Variants in SCMH1 observed in about 807,000 individuals in gnomAD.
SCMH1 encodes the protein polycomb protein SCMH1.
In SCMH1, 37 loss-of-function variants were observed where a neutral mutation model predicts 70.8. That is an observed-to-expected ratio of 0.52 (90% CI 0.40 to 0.69). The LOEUF (loss-of-function observed/expected upper bound fraction) is 0.69, where lower values mean the gene tolerates loss of function less well. Ranked by LOEUF, SCMH1 falls within the 30% of genes least tolerant of loss-of-function variation. The pLI is 0.00. For missense variants in SCMH1, 607 were observed against 827.3 expected, an observed-to-expected ratio of 0.73 and a Z score of 3.27; for synonymous variants, 292 against 307.4, an observed-to-expected ratio of 0.95 and a Z score of 0.52.
Position 41,037,488 on chromosome 1 carries a change from C to T in SCMH1, c.1552G>A (p.Asp518Asn), listed in dbSNP as rs773974278. The T allele has an allele frequency of 5.0e-6, 8 of 1,614,232 alleles. No individual in the cohort carries two copies. The South Asian group carries it at 7.7e-5, about 16-fold the overall frequency. ...GGATTTGAGGCAGAGTCCATTGAGTCTGAGTGTGGTTCCAAGGAGCGGGCC... is the reference window on the plus strand; with the variant it reads ...GGATTTGAGGCAGAGTCCATTGAGTTTGAGTGTGGTTCCAAGGAGCGGGCC... Residue 518 changes from aspartate (D) to asparagine (N), a missense_variant, in exon 13 of 15, where the codon GAC (aspartate) becomes AAC (asparagine). Physicochemically the swap from Asp to Asn is conservative, Grantham distance 23. This residue lies in a region of SCMH1 where 430 missense variants were observed against 528.2 expected (regional missense o/e 0.81). Transcript: ENST00000337495.
chr1:41,116,672 T>A (rs1283440224), intron 7 of SCMH1, among the ~76,000 whole-genome samples: 10 of 152,198 alleles, frequency 6.6e-5, no homozygotes, highest in Admixed American at 6.5e-4. Flanking sequence ...TAATAATACA[T>A]TTTAACTTCT....
At chr1:41,087,300 T>TA (rs1662005638) in intron 8 of SCMH1, among the ~76,000 whole-genome samples, 1 of 152,086 alleles carries the variant, frequency 6.6e-6, no homozygotes, top group Non-Finnish European at 1.5e-5. Context: ...GGTGAATTCC[T>TA]ATAATGAAAG....
chr1:41,096,815 T>G (rs1572072021), intron 8 of SCMH1, among the ~76,000 whole-genome samples: 1 of 152,310 alleles, frequency 6.6e-6, no homozygotes, highest in Middle Eastern at 3.4e-3. Context: ...ATTCTTCTCA[T>G]GCTAATAATT....
intron 1 of SCMH1, among the ~76,000 whole-genome samples, chr1:41,225,824 T>A (rs1261004763): frequency 6.6e-6 from 1 of 152,214 alleles, no homozygotes; most frequent in Non-Finnish European, 1.5e-5. Context: ...AGATGAAGAA[T>A]AATTTTAAAT....
chr1:41,050,046 C>T lies in SCMH1; in HGVS notation c.1106-1156G>A, dbSNP rs537403997. On this transcript the variant is annotated intron_variant, in intron 10 of 14. Transcript: ENST00000337495. ...ACTCCAGCCTGGATGACAGAGACTC[C>T]GTCTTTAAAAAAAAAAAAAGTGAAA... is the stretch of plus-strand genomic sequence containing the variant. 3.3e-5 allele frequency among the ~76,000 whole-genome samples: 5 copies of T among 151,654 alleles called. No homozygotes were observed. In the South Asian group the frequency reaches 8.4e-4, roughly 25 times the overall value.
chr1:41,104,762 C>T (rs892204508), intron 8 of SCMH1, among the ~76,000 whole-genome samples: 7 of 152,062 alleles, frequency 4.6e-5, no homozygotes, highest in African/African-American at 1.7e-4. Flanking sequence ...GAGACCACAC[C>T]CTCCTGGTTG....
At chr1:41,124,843 G>A (rs534354451) in intron 6 of SCMH1, among the ~76,000 whole-genome samples, 31 of 152,060 alleles carry the variant, frequency 2.0e-4, no homozygotes, top group Middle Eastern at 6.8e-3. Context: ...TAATCATTCC[G>A]CCTCAGCCTC....
chr1:41,098,891 G>T, intron 8 of SCMH1: 1 of 191,484 alleles, frequency 5.2e-6, no homozygotes, highest in South Asian at 1.1e-4. Context: ...AAATAAGCGT[G>T]ACCGCTATGC....
chr1:41,212,229 G>C (rs1010593954), intron 1 of SCMH1, among the ~76,000 whole-genome samples: 1 of 152,064 alleles, frequency 6.6e-6, no homozygotes, highest in Non-Finnish European at 1.5e-5. Flanking sequence ...AATTCAACAG[G>C]ATCATTACAT....
intron 6 of SCMH1, among the ~76,000 whole-genome samples, chr1:41,131,821 T>C (rs1047469446): frequency 2.0e-5 from 3 of 152,204 alleles, no homozygotes; most frequent in Admixed American, 1.3e-4. Flanking sequence ...GTCCTTGTGA[T>C]AGTTTGCTGA....
chr1:41,090,028 C>G (rs1043503406), intron 8 of SCMH1, among the ~76,000 whole-genome samples: 3 of 151,696 alleles, frequency 2.0e-5, no homozygotes, highest in East Asian at 1.9e-4. Context: ...CTGGCCTTAA[C>G]TGATCCACCT....
chr1:41,043,903 A>G (rs898780470), intron 12 of SCMH1: 2 of 152,186 alleles, frequency 1.3e-5, no homozygotes, highest in Admixed American at 1.3e-4. Context: ...GGTATTCAAC[A>G]AGTATGTATA....
intron 2 of SCMH1, among the ~76,000 whole-genome samples, chr1:41,175,055 A>G (rs184504530): frequency 1.3e-5 from 2 of 152,336 alleles, no homozygotes; most frequent in Admixed American, 6.5e-5. Flanking sequence ...GGTTAACTTT[A>G]TGTGTCAACT....
intron 8 of SCMH1, among the ~76,000 whole-genome samples, chr1:41,078,659 C>A (rs780976007): frequency 1.1e-4 from 17 of 152,100 alleles, no homozygotes; most frequent in Non-Finnish European, 2.1e-4. Flanking sequence ...AAGAAACAGA[C>A]TACCAAAGAT....
At chr1:41,153,392 G>GCA (rs1369699647) in intron 4 of SCMH1, among the ~76,000 whole-genome samples, 1 of 152,170 alleles carries the variant, frequency 6.6e-6, no homozygotes, top group Non-Finnish European at 1.5e-5. Context: ...GTATTAGGAA[G>GCA]CACAGATCAA....
At chr1:41,102,260 C>G (rs1666823029) in intron 8 of SCMH1, among the ~76,000 whole-genome samples, 1 of 152,200 alleles carries the variant, frequency 6.6e-6, no homozygotes, top group South Asian at 2.1e-4. Flanking sequence ...TTTGGTTTAT[C>G]AGTTTCCTGG....
intron 1 of SCMH1, among the ~76,000 whole-genome samples, chr1:41,198,047 T>C (rs1653442462): frequency 6.6e-6 from 1 of 152,212 alleles, no homozygotes; most frequent in Non-Finnish European, 1.5e-5. Flanking sequence ...CCTCAATTTC[T>C]ACATCTTTAA....
intron 1 of SCMH1, among the ~76,000 whole-genome samples, chr1:41,240,750 T>C (rs1260440224): frequency 1.3e-5 from 2 of 151,518 alleles, no homozygotes; most frequent in African/African-American, 2.4e-5. Context: ...TGTTTTCTTT[T>C]TTTTTTTTTT....
chr1:41,058,378 G>GTTTTTTTTTTTTTTTTTTTTTTTT (rs548733204), intron 10 of SCMH1, among the ~76,000 whole-genome samples: 1 of 81,640 alleles, frequency 1.2e-5, no homozygotes, highest in Admixed American at 2.0e-4. Flanking sequence ...TTTCTTTCTT[G>GTTTTTTTTTTTTTTTTTTTTTTTT]TTTTTTTTTT....
Sources: allele counts gnomAD v4.1 joint callset (sites outside exome capture counted in the v4.1 genomes callset), GRCh38; gene constraint gnomAD v4.1.1; regional missense constraint gnomAD v4.1.1; transcripts MANE v1.5; gene names NCBI Gene and HGNC (gene_info 2026-07-23, HGNC 2026-07-21).